The following TMEM50A variants were observed in gnomAD, a reference collection of about 807,000 sequenced individuals.
TMEM50A encodes the protein transmembrane protein 50A.
TMEM50A carries 8 observed loss-of-function variants against 23.9 expected under a neutral mutation model. That is an observed-to-expected ratio of 0.33 (90% CI 0.20 to 0.60). The LOEUF is 0.60. TMEM50A is among the 20% of genes least tolerant of loss of function. The pLI is 0.81. For missense variants in TMEM50A, 178 were observed against 192.7 expected (o/e 0.92, Z 0.45); for synonymous variants, 55 against 60.4 (o/e 0.91, Z 0.41).
At chr1:25,360,636 T>A in intron 6 of TMEM50A, 24 bp from the exon 7 acceptor site, 1 of 1,613,642 alleles carries the variant, frequency 6.2e-7, no homozygotes, top group Non-Finnish European at 8.5e-7. Flanking sequence ...GGGAGTCATG[T>A]GATATTTCTT....
intron 5 of TMEM50A, among the ~76,000 whole-genome samples, chr1:25,354,201 G>A (rs1462532993): frequency 1.3e-5 from 2 of 152,072 alleles, no homozygotes; most frequent in East Asian, 3.9e-4. Context: ...TGTTGCCCAG[G>A]CTGGTCTCAA....
intron 3 of TMEM50A, 27 bp from the exon 4 acceptor site, chr1:25,351,599 T>C (rs374707567): frequency 3.8e-6 from 6 of 1,586,952 alleles, no homozygotes; most frequent in African/African-American, 2.7e-5. Flanking sequence ...TGGACCCTGA[T>C]TTCTTGGTTT....
intron 3 of TMEM50A, among the ~76,000 whole-genome samples, chr1:25,345,685 G>T (rs1046109793): frequency 9.2e-5 from 14 of 152,116 alleles, no homozygotes; most frequent in Non-Finnish European, 2.1e-4. Flanking sequence ...AGCAGAGGTT[G>T]CTGTGAGCCG....
rs192397618 is a variant in TMEM50A, at chr1:25,345,167, G to A, written c.206+2094G>A. ...GATACAAGAAGTATTTACTTTGGCC[G>A]GGCATGGTGGCTCACGCCTGTAATC... is the stretch of plus-strand genomic sequence containing the variant. On this transcript the variant is annotated intron_variant, in intron 3 of 6. Transcript: ENST00000374358. Among the ~76,000 whole-genome samples, 28 of 148,580 alleles carry A rather than the reference G, an allele frequency of 1.9e-4. No homozygotes were observed. The East Asian group carries it at 4.5e-3, about 24-fold the overall frequency.
intron 5 of TMEM50A, among the ~76,000 whole-genome samples, chr1:25,355,317 CA>C (rs904342252): frequency 3.4e-5 from 5 of 147,638 alleles, no homozygotes; most frequent in African/African-American, 1.0e-4. Context: ...AAAATCAAAA[CA>C]AAAAAAAAGG....
intron 4 of TMEM50A, 83 bp from the exon 5 acceptor site, chr1:25,352,799 C>G: frequency 7.1e-6 from 8 of 1,134,508 alleles, no homozygotes; most frequent in Non-Finnish European, 9.7e-6. Flanking sequence ...TTTTTTTTTT[C>G]TGTTTGGGTT....
chr1:25,347,212 C>G (rs1645227080), intron 3 of TMEM50A, among the ~76,000 whole-genome samples: 1 of 151,876 alleles, frequency 6.6e-6, no homozygotes, highest in East Asian at 1.9e-4. Flanking sequence ...TGACCTCTAC[C>G]ATTGTCCATC....
intron 2 of TMEM50A, among the ~76,000 whole-genome samples, chr1:25,342,174 A>G (rs887858335): frequency 6.6e-6 from 1 of 152,230 alleles, no homozygotes; most frequent in African/African-American, 2.4e-5. Context: ...TTGTTACTTT[A>G]AAATAATTGC....
intron 3 of TMEM50A, among the ~76,000 whole-genome samples, chr1:25,343,389 C>A (rs1195684262): frequency 6.6e-6 from 1 of 152,070 alleles, no homozygotes; most frequent in Non-Finnish European, 1.5e-5. Flanking sequence ...ATTTATTAAG[C>A]TTTTATATTC....
intron 3 of TMEM50A, among the ~76,000 whole-genome samples, chr1:25,344,265 G>T (rs895060263): frequency 6.6e-6 from 1 of 152,288 alleles, no homozygotes; most frequent in Non-Finnish European, 1.5e-5. Flanking sequence ...TACTTTCATT[G>T]TAAGTGTAAT....
At chr1:25,350,280 A>G (rs1345868740) in intron 3 of TMEM50A, among the ~76,000 whole-genome samples, 1 of 152,238 alleles carries the variant, frequency 6.6e-6, no homozygotes, top group Non-Finnish European at 1.5e-5. Flanking sequence ...ATTGCCATAC[A>G]TGAGTACATG....
At chr1:25,360,148 GACC>G (rs1645382440) in intron 6 of TMEM50A, among the ~76,000 whole-genome samples, 3 of 152,128 alleles carry the variant, frequency 2.0e-5, no homozygotes, top group Admixed American at 2.0e-4. Flanking sequence ...AGGAGATCGA[GACC>G]ATCTTGGCTA....
chr1:25,342,886 C>T, intron 2 of TMEM50A, 75 bp from the exon 3 acceptor site: 1 of 1,193,598 alleles, frequency 8.4e-7, no homozygotes, highest in Admixed American at 2.3e-5. Context: ...GGGATCTCCT[C>T]ACTTAAATAC....
intron 3 of TMEM50A, among the ~76,000 whole-genome samples, chr1:25,346,139 A>G (rs1215406147): frequency 2.0e-5 from 3 of 151,584 alleles, no homozygotes; most frequent in Non-Finnish European, 4.4e-5. Flanking sequence ...TTATGTTCCA[A>G]TCTGTTAAAC....
At chr1:25,338,544 C>G (rs1050349311) in intron 1 of TMEM50A, 88 bp downstream of exon 1, 1 of 152,406 alleles carries the variant, frequency 6.6e-6, no homozygotes, top group African/African-American at 2.4e-5. Flanking sequence ...CGGGCTGGTG[C>G]CCACAGCACA....
At chr1:25,345,184 C>T (rs1233226597) in intron 3 of TMEM50A, among the ~76,000 whole-genome samples, 1 of 151,284 alleles carries the variant, frequency 6.6e-6, no homozygotes, top group Non-Finnish European at 1.5e-5. Context: ...GTGGCTCACG[C>T]CTGTAATCCC....
At chr1:25,357,099 A>G (rs1268207486) in intron 6 of TMEM50A, among the ~76,000 whole-genome samples, 1 of 152,172 alleles carries the variant, frequency 6.6e-6, no homozygotes, top group African/African-American at 2.4e-5. Context: ...GTGAGTAACT[A>G]TGATTCATGA....
At chr1:25,352,495 C>CAAAAAA (rs766371248) in intron 4 of TMEM50A, among the ~76,000 whole-genome samples, 1 of 58,972 alleles carries the variant, frequency 1.7e-5, no homozygotes. Context: ...GACTCTGCCT[C>CAAAAAA]AAAAAAAAAA....
intron 3 of TMEM50A, among the ~76,000 whole-genome samples, chr1:25,348,629 G>A (rs1645243979): frequency 1.3e-5 from 2 of 149,654 alleles, no homozygotes; most frequent in African/African-American, 4.9e-5. Context: ...AGGTTGCAGT[G>A]AGCTGAGATT....
Sources: gnomAD v4.1 joint callset for allele counts (sites outside exome capture counted in the v4.1 genomes callset) on GRCh38, gnomAD v4.1.1 for gene constraint, MANE v1.5 for transcripts, NCBI Gene and HGNC (gene_info 2026-07-23, HGNC 2026-07-21) for gene names.